The following SLC8A2 variants were observed in gnomAD, a reference collection of about 807,000 sequenced individuals.
SLC8A2 encodes the protein solute carrier family 8 member A2.
A neutral mutation model predicts 70.2 loss-of-function variants in SLC8A2; 14 were observed. The ratio of observed to expected loss-of-function variants is 0.20; its 90% CI spans 0.13 to 0.31. The LOEUF is 0.31. Among genes scored for constraint, SLC8A2 ranks in the 10% least tolerant of loss-of-function variants. The pLI, the probability that SLC8A2 is intolerant of heterozygous loss-of-function variation, is 1.00. For synonymous variants in SLC8A2, 575 were observed against 594.3 expected, an observed-to-expected ratio of 0.97 and a Z score of 0.47; for missense variants, 779 against 1,320.1, an observed-to-expected ratio of 0.59 and a Z score of 6.35.
In SLC8A2 at chr19:47,430,125, G is replaced by A. The variant is rs888278230; in HGVS notation, c.2730C>T (p.Ala910=). 2 of 1,591,932 alleles carry A rather than the reference G, an allele frequency of 1.3e-6. No homozygotes were observed. Among genetic ancestry groups the A allele is most frequent in the Non-Finnish European group, 8.6e-7 (1 of 1,169,242 alleles). The change falls in exon 10 of 10, where the codon GCC becomes GCT. Residue 910 remains alanine (A), a synonymous_variant. Transcript: ENST00000236877. This position sits in a 1 kb window ranked among gnomAD's most constrained non-coding sequence, Gnocchi z 5.9. ...GGATGTGGCAGTACGCCTCCAGGCT[G>A]GCGAAGAGGATGTACAGGAGCCAGA... The part of the protein sequence containing the change: ...LGLWLLYILF[A]SLEAYCHIRG...
chr19:47,447,631 G>A lies in SLC8A2; in HGVS notation c.1763+178C>T, dbSNP rs1967182129. ...GAAGCCCCGCCCACGTCGTGGGCAT[G>A]GGTCACAGGCCCCGCCCACGTTGCG... On this transcript the variant is annotated intron_variant, in intron 4 of 9. Coordinates refer to ENST00000236877, the MANE Select transcript of SLC8A2 (RefSeq NM_015063.3). This position sits in a 1 kb window ranked among gnomAD's most constrained non-coding sequence, Gnocchi z 5.1. 4.8e-6 allele frequency: 2 copies of A among 416,588 alleles called. No homozygotes were observed. The highest frequency in any genetic ancestry group is 8.1e-6 in the Non-Finnish European group (2 of 246,874). The allele number at this position is 416,588 out of a possible 1,614,324, so 25.8% of individuals were successfully genotyped here. A position where few individuals can be genotyped will look rare whatever the true frequency, so the allele number is the denominator to read the frequency against.
intron 3 of SLC8A2, among the ~76,000 whole-genome samples, chr19:47,454,470 T>G (rs921853574): frequency 1.3e-5 from 2 of 152,086 alleles, no homozygotes; most frequent in Non-Finnish European, 2.9e-5. Flanking sequence ...TTGTTTTGTT[T>G]TGTTTGAGAC....
In SLC8A2 at chr19:47,430,368, G is replaced by C. The variant is rs1454811154; in HGVS notation, c.2487C>G (p.Gly829=). 6.2e-7 allele frequency: 1 copy of C among 1,611,950 alleles called. No homozygotes were observed. Among genetic ancestry groups the C allele is most frequent in the South Asian group, 1.1e-5 (1 of 90,972 alleles). The change falls in exon 10 of 10, where the codon GGC becomes GGG. Residue 829 remains glycine (G), a synonymous_variant. Coordinates refer to ENST00000236877, the MANE Select transcript of SLC8A2 (RefSeq NM_015063.3). This position sits in a 1 kb window ranked among gnomAD's most constrained non-coding sequence, Gnocchi z 5.9. Reference sequence around the variant, plus strand: ...CGGCCACAGACCAGGCGACGCCCAGGCCAAGGAACACGTTCACCGCGTTGG... The same window carrying C: ...CGGCCACAGACCAGGCGACGCCCAGCCCAAGGAACACGTTCACCGCGTTGG... ...TGSNAVNVFL[G]LGVAWSVAAV... is the part of the protein sequence containing the mutation.
rs1005164183 is a variant in SLC8A2, at chr19:47,448,571, G to A, written c.1341-340C>T. Among the ~76,000 whole-genome samples the A allele has an allele frequency of 2.0e-5, 3 of 152,164 alleles. No individual in the cohort carries two copies. The highest frequency in any genetic ancestry group is 7.2e-5 in the African/African-American group (3 of 41,424). ...GCAGGTGGGCATACTCCAGGCAGAA[G>A]GAACAGCACATGCAAAGTCCAAGAG... On this transcript the variant is annotated intron_variant, in intron 3 of 9. Coordinates refer to ENST00000236877, the MANE Select transcript of SLC8A2 (RefSeq NM_015063.3). The surrounding 1 kb of genome is among the most constrained non-coding windows in gnomAD (Gnocchi z 4.8).
In SLC8A2 at chr19:47,437,550, A is replaced by G; in HGVS notation, c.2022T>C (p.Asp674=). 6.2e-7 allele frequency: 1 copy of G among 1,613,154 alleles called. No homozygotes were observed. Among genetic ancestry groups the G allele is most frequent in the African/African-American group, 1.3e-5 (1 of 74,954 alleles). ...EESYDFKNTV[D]KLIKKTNLAL... is the part of the protein sequence containing the mutation. ...CCAAGTTCGTTTTCTTGATGAGTTT[A>G]TCCACCGTGTTCTGGGGATGAGAGG... The change falls in exon 8 of 10, where the codon GAT becomes GAC. Residue 674 remains aspartate, a synonymous_variant. Coordinates refer to ENST00000236877, the MANE Select transcript of SLC8A2 (RefSeq NM_015063.3).
At chr19:47,433,498 A>G (rs1164168546) in intron 8 of SLC8A2, among the ~76,000 whole-genome samples, 1 of 152,196 alleles carries the variant, frequency 6.6e-6, no homozygotes, top group Non-Finnish European at 1.5e-5. Context: ...CAGTCTGCCA[A>G]TGAGATATAA....
At chr19:47,458,277 T>G (rs1599857136) in intron 2 of SLC8A2, among the ~76,000 whole-genome samples, 1 of 108,738 alleles carries the variant, frequency 9.2e-6, no homozygotes. Flanking sequence ...TTCCCCCCAT[T>G]TCTCTCTCTC....
chr19:47,451,308 C>T (rs1052699996), intron 3 of SLC8A2, among the ~76,000 whole-genome samples: 2 of 150,362 alleles, frequency 1.3e-5, no homozygotes, highest in African/African-American at 4.9e-5. Context: ...GCGCCCAGAC[C>T]TTTTTTTTGT....
In SLC8A2 at chr19:47,457,567, A is replaced by C. The variant is rs1267265639; in HGVS notation, c.703T>G (p.Phe235Val). The change falls in exon 3 of 10, where the codon TTC becomes GTC. Residue 235 changes from phenylalanine to valine, a missense_variant. Transcript: ENST00000236877. ...QVWEALLTLV[F>V]FPVCVVFAWM... is the part of the protein sequence containing the mutation. ...GCGAATACCACGCACACCGGGAAGA[A>C]GACCAGGGTCAGCAGCGCCTCCCAC... The C allele has an allele frequency of 1.3e-6, 2 of 1,580,950 alleles. No homozygotes were observed. The highest frequency in any genetic ancestry group is 1.7e-6 in the Non-Finnish European group (2 of 1,163,536).
In SLC8A2 at chr19:47,429,955, G is replaced by C. The variant is rs752006525; in HGVS notation, c.*134C>G. 7.3e-4 allele frequency: 615 copies of C among 838,238 alleles called. 5 individuals carry two copies. The highest frequency in any genetic ancestry group is 3.4e-3 in the Middle Eastern group (14 of 4,166). The allele number at this position is 838,238 out of a possible 1,614,324, so 51.9% of individuals were successfully genotyped here. ...AACAGGGCAATCAAAGCCAGGGGAG[G>C]GGGCGGAGAAGGGAGGCCGAGTCCC... On this transcript the variant is annotated 3_prime_UTR_variant, in exon 10 of 10. Transcript: ENST00000236877.
chr19:47,465,096 G>A lies in SLC8A2; in HGVS notation c.675+633C>T, dbSNP rs941703434. On this transcript the variant is annotated intron_variant, in intron 2 of 9. Transcript: ENST00000236877. This position sits in a 1 kb window ranked among gnomAD's most constrained non-coding sequence, Gnocchi z 5.5. ...CAGAAATTGATGATGAATAATGAAT[G>A]AATTATGCAAACCGTGATTACATAT... 3.9e-5 allele frequency among the ~76,000 whole-genome samples: 6 copies of A among 152,086 alleles called. No individual in the cohort carries two copies. The highest frequency in any genetic ancestry group is 1.5e-4 in the African/African-American group (6 of 41,378).
At chr19:47,461,957 G>A (rs1439017243) in intron 2 of SLC8A2, among the ~76,000 whole-genome samples, 3 of 152,134 alleles carry the variant, frequency 2.0e-5, no homozygotes, top group Non-Finnish European at 4.4e-5. Flanking sequence ...GAAATCTGGG[G>A]GTATTTATGG....
At chr19:47,445,194 C>T (rs1262748467) in intron 4 of SLC8A2, among the ~76,000 whole-genome samples, 1 of 152,144 alleles carries the variant, frequency 6.6e-6, no homozygotes, top group South Asian at 2.1e-4. Flanking sequence ...CAGCAACCTT[C>T]GCCTGCTGGG....
Position 47,456,958 on chromosome 19 carries a change from C to G in SLC8A2, c.1312G>C (p.Ala438Pro). The G allele has an allele frequency of 6.2e-7, 1 of 1,609,918 alleles. No homozygotes were observed. The highest frequency in any genetic ancestry group is 2.2e-5 in the East Asian group (1 of 44,638). The change falls in exon 3 of 10, where the codon GCC (alanine) becomes CCC (proline). Residue 438 changes from alanine (A) to proline (P), a missense_variant. Around this residue, in one of 6 missense-constraint regions of SLC8A2, gnomAD observed 18 missense variants for 61.3 expected, o/e 0.29. Transcript: ENST00000236877. The part of the protein sequence containing the change: ...YVDYRTEDGS[A>P]KAGSDYEYSE... ...TACTCGTAGTCGGAGCCCGCCTTGG[C>G]AGAGCCGTCCTCAGTGCGGTAGTCC...
chr19:47,460,010 T>C (rs1484336004), intron 2 of SLC8A2, among the ~76,000 whole-genome samples: 1 of 152,112 alleles, frequency 6.6e-6, no homozygotes, highest in Non-Finnish European at 1.5e-5. Flanking sequence ...TCTCCCTCCA[T>C]CTTTTTTCTG....
chr19:47,470,579 C>T (rs749821774), intron 1 of SLC8A2, among the ~76,000 whole-genome samples: 3 of 152,136 alleles, frequency 2.0e-5, no homozygotes, highest in Non-Finnish European at 4.4e-5. Flanking sequence ...AGGACTGGCC[C>T]GGTCTAACTC....
rs1967469733 is a variant in SLC8A2, at chr19:47,466,865, T to C, written c.-16-446A>G. Among the ~76,000 whole-genome samples the C allele has an allele frequency of 6.6e-6, 1 of 152,120 alleles. No homozygotes were observed. Among genetic ancestry groups the C allele is most frequent in the Non-Finnish European group, 1.5e-5 (1 of 68,024 alleles). Reference sequence around the variant, plus strand: ...GTGGATCAGGAGTTTGAGACCAGCCTGGCCAACATGGTGAAACCCCGTCTC... The same window carrying C: ...GTGGATCAGGAGTTTGAGACCAGCCCGGCCAACATGGTGAAACCCCGTCTC... On this transcript the variant is annotated intron_variant, in intron 1 of 9. Coordinates refer to ENST00000236877, the MANE Select transcript of SLC8A2 (RefSeq NM_015063.3). The surrounding 1 kb of genome is among the most constrained non-coding windows in gnomAD (Gnocchi z 6.9).
rs1599851004 is a variant in SLC8A2, at chr19:47,447,556, G to C, written c.1763+253C>G. 1 of 471,844 alleles carries C rather than the reference G, an allele frequency of 2.1e-6. No homozygotes were observed. The highest frequency in any genetic ancestry group is 3.7e-5 in the East Asian group (1 of 26,812). 29.2% of individuals were successfully genotyped at this position (471,844 alleles called of 1,614,324 possible). A position where few individuals can be genotyped will look rare whatever the true frequency, so the allele number is the denominator to read the frequency against. ...CCCTCCCGAGGCCAAGCCCACTTTG[G>C]AGAACGATTCACTCAGGCCCCTCTC... On this transcript the variant is annotated intron_variant, in intron 4 of 9. Transcript: ENST00000236877. This position sits in a 1 kb window ranked among gnomAD's most constrained non-coding sequence, Gnocchi z 5.1.
At position 47,466,251 on chromosome 19, in the gene SLC8A2, C is replaced by T. The variant is rs751102582; in HGVS notation, c.153G>A (p.Pro51=). The T allele has an allele frequency of 4.8e-5, 76 of 1,593,432 alleles. No homozygotes were observed. In the South Asian group the frequency reaches 6.0e-4, roughly 13 times the overall value. Reference sequence around the variant, plus strand: ...GCTCCCACACGGGCAGCAGCACCCCCGGCTGGCAGCGGTAGGACCCCTGGC... The same window carrying T: ...GCTCCCACACGGGCAGCAGCACCCCTGGCTGGCAGCGGTAGGACCCCTGGC... ...GGCQGSYRCQ[P]GVLLPVWEPD... is the part of the protein sequence containing the mutation. Residue 51 remains proline (P), a synonymous_variant, in exon 2 of 10, where the codon CCG becomes CCA. Coordinates refer to ENST00000236877, the MANE Select transcript of SLC8A2 (RefSeq NM_015063.3). This position sits in a 1 kb window ranked among gnomAD's most constrained non-coding sequence, Gnocchi z 6.9.
Sources: allele counts gnomAD v4.1 joint callset (sites outside exome capture counted in the v4.1 genomes callset), GRCh38; gene constraint gnomAD v4.1.1; regional missense constraint gnomAD v4.1.1; non-coding constraint Gnocchi (gnomAD v3.1); transcripts MANE v1.5; gene names NCBI Gene and HGNC (gene_info 2026-07-23, HGNC 2026-07-21).